The following KCND2 variants were observed in gnomAD, a reference collection of about 807,000 sequenced individuals.
The protein encoded by KCND2 is A-type voltage-gated potassium channel KCND2.
KCND2 carries 16 observed loss-of-function variants against 54.4 expected under a neutral mutation model. That is an observed-to-expected ratio of 0.29 (90% confidence interval 0.20 to 0.45). The LOEUF (loss-of-function observed/expected upper bound fraction) is 0.45, where lower values mean the gene tolerates loss of function less well. Ranked by LOEUF, KCND2 falls within the 20% of genes least tolerant of loss-of-function variation. KCND2 has a pLI of 1.00. For missense variants in KCND2, 486 were observed against 824.2 expected (o/e 0.59, Z 5.02); for synonymous variants, 317 against 310.7 (o/e 1.02, Z -0.21).
chr7:120,398,168 C>T (rs1801188391), intron 1 of KCND2, among the ~76,000 whole-genome samples: 1 of 146,916 alleles, frequency 6.8e-6, no homozygotes, highest in Admixed American at 7.0e-5. Flanking sequence ...TATATACACA[C>T]ACACACACAC....
chr7:120,395,748 T>C (rs139335981), intron 1 of KCND2, among the ~76,000 whole-genome samples: 218 of 152,170 alleles, frequency 1.4e-3, no homozygotes, highest in African/African-American at 5.0e-3. Flanking sequence ...CCCATTGCCA[T>C]GGCATTAGTA....
At chr7:120,492,709 TATC>T (rs1802801457) in intron 1 of KCND2, among the ~76,000 whole-genome samples, 1 of 152,028 alleles carries the variant, frequency 6.6e-6, no homozygotes, top group African/African-American at 2.4e-5. Context: ...AAATTGAAAA[TATC>T]ATAACCTTAA....
chr7:120,401,004 T>C (rs1801244915), intron 1 of KCND2, among the ~76,000 whole-genome samples: 1 of 151,664 alleles, frequency 6.6e-6, no homozygotes, highest in East Asian at 1.9e-4. Context: ...CATGGGGCAC[T>C]CTGGTAACTT....
chr7:120,526,058 C>G lies in KCND2; in HGVS notation c.1116-206845C>G, dbSNP rs144247482. ...TCCACACTCGCCAAAACTTTTCCCA[C>G]AGTATAACATAAGTCACTCCCTTTT... On this transcript the variant is annotated intron_variant, in intron 1 of 5. Transcript: ENST00000331113. Among the ~76,000 whole-genome samples, 1,255 of 152,288 alleles carry G rather than the reference C, an allele frequency of 8.2e-3. 19 individuals carry two copies. Among genetic ancestry groups the G allele is most frequent in the African/African-American group, 0.028 (1,171 of 41,574 alleles).
chr7:120,529,317 T>C (rs896121784), intron 1 of KCND2, among the ~76,000 whole-genome samples: 18 of 152,206 alleles, frequency 1.2e-4, no homozygotes, highest in African/African-American at 4.3e-4. Flanking sequence ...TCTGAAATAT[T>C]GGAATGTAAA....
chr7:120,589,610 G>T (rs760195016), intron 1 of KCND2, among the ~76,000 whole-genome samples: 16 of 152,026 alleles, frequency 1.1e-4, no homozygotes, highest in Non-Finnish European at 1.9e-4. Context: ...TTGCTATTTT[G>T]ATGTCTATTT....
At chr7:120,560,646 A>G (rs1468205098) in intron 1 of KCND2, among the ~76,000 whole-genome samples, 1 of 152,210 alleles carries the variant, frequency 6.6e-6, no homozygotes, top group Non-Finnish European at 1.5e-5. Context: ...TTAAAGAGCT[A>G]CCTTCCATAA....
chr7:120,552,307 T>G (rs1411536740), intron 1 of KCND2, among the ~76,000 whole-genome samples: 1 of 152,206 alleles, frequency 6.6e-6, no homozygotes, highest in African/African-American at 2.4e-5. Context: ...TTTCTAAATT[T>G]CACACATTTT....
intron 1 of KCND2, among the ~76,000 whole-genome samples, chr7:120,428,907 C>T (rs1359974890): frequency 3.3e-5 from 5 of 152,154 alleles, no homozygotes; most frequent in African/African-American, 1.2e-4. Context: ...ATTTTTACCT[C>T]TCCAATTGTT....
At chr7:120,695,455 T>C (rs1324515198) in intron 1 of KCND2, among the ~76,000 whole-genome samples, 2 of 152,174 alleles carry the variant, frequency 1.3e-5, no homozygotes, top group African/African-American at 4.8e-5. Context: ...CAGACATATT[T>C]TGTGAAGGAG....
intron 1 of KCND2, among the ~76,000 whole-genome samples, chr7:120,361,486 A>G (rs905614614): frequency 6.6e-6 from 1 of 152,028 alleles, no homozygotes; most frequent in Non-Finnish European, 1.5e-5. Context: ...TAAATTTTCA[A>G]TAAATCACCT....
intron 1 of KCND2, among the ~76,000 whole-genome samples, chr7:120,546,163 G>A (rs1792040425): frequency 6.6e-6 from 1 of 151,632 alleles, no homozygotes; most frequent in Non-Finnish European, 1.5e-5. Flanking sequence ...CCCCTCCATG[G>A]GACACAAAAT....
intron 1 of KCND2, among the ~76,000 whole-genome samples, chr7:120,377,479 G>A (rs539988078): frequency 1.3e-5 from 2 of 151,750 alleles, no homozygotes; most frequent in East Asian, 3.9e-4. Context: ...GTAGTATGTT[G>A]TTAGATGCTT....
chr7:120,370,569 A>G (rs1391821800), intron 1 of KCND2, among the ~76,000 whole-genome samples: 1 of 152,028 alleles, frequency 6.6e-6, no homozygotes, highest in Non-Finnish European at 1.5e-5. Context: ...GTAAATAATG[A>G]CATCCATATT....
At chr7:120,302,785 G>C (rs73429998) in intron 1 of KCND2, among the ~76,000 whole-genome samples, 1,820 of 152,178 alleles carry the variant, frequency 0.012, 39 homozygotes, top group African/African-American at 0.042. Flanking sequence ...GTCTTATCTG[G>C]ACTACCTTTC....
At chr7:120,731,921 A>G (rs890870702) in intron 1 of KCND2, among the ~76,000 whole-genome samples, 1 of 152,104 alleles carries the variant, frequency 6.6e-6, no homozygotes, top group East Asian at 1.9e-4. Context: ...TGTGGGGGGA[A>G]AATATTTGAG....
chr7:120,340,623 G>A (rs550333885), intron 1 of KCND2, among the ~76,000 whole-genome samples: 1 of 152,346 alleles, frequency 6.6e-6, no homozygotes, highest in East Asian at 1.9e-4. Context: ...CAATGGACTT[G>A]ATGTTGATAA....
chr7:120,633,689 G>A (rs1009069642), intron 1 of KCND2, among the ~76,000 whole-genome samples: 1 of 152,074 alleles, frequency 6.6e-6, no homozygotes, highest in Non-Finnish European at 1.5e-5. Flanking sequence ...CAAACTGTGG[G>A]CCCAAGATTA....
At chr7:120,686,543 A>T (rs1311346619) in intron 1 of KCND2, among the ~76,000 whole-genome samples, 1 of 152,164 alleles carries the variant, frequency 6.6e-6, no homozygotes, top group South Asian at 2.1e-4. Flanking sequence ...CAGGAGCGAA[A>T]GTTTATTAAA....
Sources: gnomAD v4.1 joint callset for allele counts (sites outside exome capture counted in the v4.1 genomes callset) on GRCh38, gnomAD v4.1.1 for gene constraint, MANE v1.5 for transcripts, NCBI Gene and HGNC (gene_info 2026-07-23, HGNC 2026-07-21) for gene names.